GANC: variants seen among roughly 807,000 people sequenced by gnomAD.
The protein encoded by GANC is neutral alpha-glucosidase C.
Under a neutral mutation model 124.2 loss-of-function variants are expected in GANC, and 117 were observed. The ratio of observed to expected loss-of-function variants is 0.94; its 90% CI spans 0.81 to 1.10. The LOEUF is 1.10. Ranked by LOEUF, GANC falls within the 50% of genes least tolerant of loss-of-function variation. The probability of loss-of-function intolerance (pLI) is 0.00; values close to 1 mark genes in which losing one functional copy is unlikely to be tolerated. For missense variants in GANC, 1,140 were observed against 1,095.0 expected, an observed-to-expected ratio of 1.04 and a Z score of -0.58; for synonymous variants, 377 against 376.8, an observed-to-expected ratio of 1.00 and a Z score of -0.01.
chr15:42,349,064 A>C (rs1359654412), intron 21 of GANC, among the ~76,000 whole-genome samples: 1 of 152,220 alleles, frequency 6.6e-6, no homozygotes, highest in Non-Finnish European at 1.5e-5. Context: ...GTTGTCATTC[A>C]ATGAACTTTC....
At chr15:42,278,920 G>T (rs998835088) in intron 3 of GANC, among the ~76,000 whole-genome samples, 1 of 152,122 alleles carries the variant, frequency 6.6e-6, no homozygotes, top group African/African-American at 2.4e-5. Flanking sequence ...TCTTGAGCCC[G>T]GGAGGTCGAG....
Position 42,274,066 on chromosome 15 carries a change from C to G in GANC, c.-416C>G. 4.2e-6 allele frequency: 1 copy of G among 236,804 alleles called. No individual in the cohort carries two copies. The highest frequency in any genetic ancestry group is 8.3e-6 in the Non-Finnish European group (1 of 120,056). The allele number at this position is 236,804 out of a possible 1,614,324, so 14.7% of individuals were successfully genotyped here. On this transcript the variant is annotated 5_prime_UTR_variant, in exon 1 of 24. Transcript: ENST00000318010. ...GAGGGTCAGTTTTCAAAATCTGTGG[C>G]GTGACCCCGCCACTGAGATAGATCT...
chr15:42,333,445 G>T (rs2052261640), intron 15 of GANC, among the ~76,000 whole-genome samples: 1 of 152,116 alleles, frequency 6.6e-6, no homozygotes, highest in South Asian at 2.1e-4. Context: ...AAATGCTTCA[G>T]AAGTAGTATA....
chr15:42,338,110 T>C (rs2141072089), intron 15 of GANC, among the ~76,000 whole-genome samples: 1 of 152,128 alleles, frequency 6.6e-6, no homozygotes, highest in South Asian at 2.1e-4. Context: ...AATCTTAAAG[T>C]TGATTTTTCA....
chr15:42,309,643 A>G (rs967507548), intron 8 of GANC, among the ~76,000 whole-genome samples: 3 of 152,030 alleles, frequency 2.0e-5, no homozygotes, highest in African/African-American at 7.2e-5. Flanking sequence ...TTAACCGCAG[A>G]GAAGTACTCA....
chr15:42,313,944 C>T (rs2052079263), intron 10 of GANC: 1 of 543,116 alleles, frequency 1.8e-6, no homozygotes, highest in African/African-American at 2.7e-5. Flanking sequence ...AGAGCGAGAC[C>T]CTATCTCTAA....
intron 18 of GANC, among the ~76,000 whole-genome samples, chr15:42,342,187 G>A (rs76015561): frequency 0.086 from 13,101 of 152,206 alleles, 654 homozygotes; most frequent in South Asian, 0.19. Flanking sequence ...GTAGGCACTC[G>A]AAATAAGTAT....
intron 6 of GANC, among the ~76,000 whole-genome samples, chr15:42,299,327 G>T (rs1352772472): frequency 6.6e-6 from 1 of 152,146 alleles, no homozygotes; most frequent in Non-Finnish European, 1.5e-5. Flanking sequence ...TAATCATGTG[G>T]TTTTTGTCTT....
At chr15:42,316,847 G>T (rs1237475827) in intron 10 of GANC, among the ~76,000 whole-genome samples, 1 of 152,184 alleles carries the variant, frequency 6.6e-6, no homozygotes, top group Admixed American at 6.5e-5. Context: ...CCCTTATGCG[G>T]GCATGACAGA....
At chr15:42,330,881 G>A (rs1265331282) in intron 15 of GANC, among the ~76,000 whole-genome samples, 1 of 150,526 alleles carries the variant, frequency 6.6e-6, no homozygotes, top group East Asian at 2.0e-4. Context: ...TTGACCACCT[G>A]GGCTCAAGCA....
In GANC at chr15:42,274,600, G is replaced by C. The variant is rs553199233; in HGVS notation, c.29+90G>C. The C allele has an allele frequency of 7.9e-6, 10 of 1,260,886 alleles. No homozygotes were observed. In the South Asian group the frequency reaches 1.2e-4, roughly 16 times the overall value. 78.1% of individuals were successfully genotyped at this position (1,260,886 alleles called of 1,614,324 possible). A position where few individuals can be genotyped will look rare whatever the true frequency, so the allele number is the denominator to read the frequency against. On this transcript the variant is annotated intron_variant, in intron 1 of 23. Coordinates refer to ENST00000318010, the MANE Select transcript of GANC (RefSeq NM_198141.3). ...AATTGCATTTCTTATTTGCGTATTT[G>C]GTATTTGCTGACCTTTATCTTTTCT...
At chr15:42,284,651 G>C (rs2141020118) in intron 3 of GANC, among the ~76,000 whole-genome samples, 1 of 152,208 alleles carries the variant, frequency 6.6e-6, no homozygotes, top group East Asian at 1.9e-4. Context: ...TTTTTAAAGA[G>C]ATGGGGTCTC....
intron 15 of GANC, among the ~76,000 whole-genome samples, chr15:42,333,872 G>T (rs986635338): frequency 1.3e-5 from 2 of 152,172 alleles, no homozygotes; most frequent in East Asian, 3.8e-4. Flanking sequence ...GGAAGCAGGG[G>T]CTGGTGGAGG....
intron 14 of GANC, among the ~76,000 whole-genome samples, chr15:42,330,307 G>A (rs2052232338): frequency 6.6e-6 from 1 of 152,060 alleles, no homozygotes. Context: ...TATATTAAAT[G>A]CCTAGCAATA....
chr15:42,344,719 C>T (rs2052351205), intron 19 of GANC: 1 of 152,202 alleles, frequency 6.6e-6, no homozygotes, highest in African/African-American at 2.4e-5. Context: ...TAAGGTTCCC[C>T]TGCCAAGTAG....
At chr15:42,302,065 C>T (rs1016030195) in intron 6 of GANC, among the ~76,000 whole-genome samples, 20 of 152,222 alleles carry the variant, frequency 1.3e-4, no homozygotes, top group African/African-American at 4.8e-4. Flanking sequence ...TAGGAGACAC[C>T]TCCCAGCAGG....
At chr15:42,315,345 T>G (rs930006876) in intron 10 of GANC, among the ~76,000 whole-genome samples, 2 of 152,178 alleles carry the variant, frequency 1.3e-5, no homozygotes, top group Non-Finnish European at 2.9e-5. Context: ...TTTAAAGAGA[T>G]AGTTCTCCAA....
intron 5 of GANC, among the ~76,000 whole-genome samples, chr15:42,294,515 C>T (rs1459798211): frequency 7.1e-6 from 1 of 141,498 alleles, no homozygotes; most frequent in African/African-American, 2.7e-5. Context: ...GTGGAGGTTG[C>T]AGTGAGCTGA....
intron 18 of GANC, among the ~76,000 whole-genome samples, chr15:42,342,234 T>C (rs985573049): frequency 6.6e-6 from 1 of 152,262 alleles, no homozygotes; most frequent in South Asian, 2.1e-4. Context: ...AGTGGGTGAA[T>C]TTTACATACG....
Sources: gnomAD v4.1 joint callset for allele counts (sites outside exome capture counted in the v4.1 genomes callset) on GRCh38, gnomAD v4.1.1 for gene constraint, MANE v1.5 for transcripts, NCBI Gene and HGNC (gene_info 2026-07-23, HGNC 2026-07-21) for gene names.